MCRS1: variants seen among roughly 807,000 people sequenced by gnomAD.
MCRS1 encodes microspherule protein 1, also known as 58 kDa microspherule protein.
A neutral mutation model predicts 62.9 loss-of-function variants in MCRS1; 22 were observed. That is an observed-to-expected ratio of 0.35 (90% confidence interval 0.25 to 0.50). The LOEUF (loss-of-function observed/expected upper bound fraction) is 0.50. MCRS1 is among the 20% of genes least tolerant of loss of function. The pLI, the probability that MCRS1 is intolerant of heterozygous loss-of-function variation, is 0.98. For synonymous variants in MCRS1, 244 were observed against 233.5 expected (o/e 1.04, Z -0.41); for missense variants, 456 against 601.1 (o/e 0.76, Z 2.52).
chr12:49,558,863 T>A lies in MCRS1; in HGVS notation c.1282A>T (p.Ser428Cys), dbSNP rs1938595262. Residue 428 changes from serine (S) to cysteine (C), a missense_variant, in exon 14 of 15, where the codon AGC (serine) becomes TGC (cysteine). This residue lies in a region of MCRS1 where 393 missense variants were observed against 523.5 expected (regional missense o/e 0.75). Coordinates refer to ENST00000343810, the MANE Select transcript of MCRS1 (RefSeq NM_006337.5). ...PVLCGSKWRL[S>C]NNSVVEIASL... Reference sequence around the variant, plus strand: ...CTCACCTCCACCACAGAGTTGTTGCTGAGGCGCCATTTGGAGCCACAGAGC... The same window carrying A: ...CTCACCTCCACCACAGAGTTGTTGCAGAGGCGCCATTTGGAGCCACAGAGC... 1 of 1,613,032 alleles carries A rather than the reference T, an allele frequency of 6.2e-7. No homozygotes were observed. Among genetic ancestry groups the A allele is most frequent in the African/African-American group, 1.3e-5 (1 of 74,924 alleles).
chr12:49,564,731 CACT>C lies in MCRS1; in HGVS notation c.447+3_447+5del. On this transcript the variant is annotated splice_donor_5th_base_variant and intron_variant, in intron 5 of 14. Transcript: ENST00000343810. ...GGGCACACTGAGCCTATGGTGGGGG[CACT>C]ACCTGCAACACAGCATTTATGAGCA... 6.2e-7 allele frequency: 1 copy of C among 1,607,598 alleles called. No individual in the cohort carries two copies. The highest frequency in any genetic ancestry group is 8.5e-7 in the Non-Finnish European group (1 of 1,175,894).
chr12:49,564,890 G>C lies in MCRS1; in HGVS notation c.294C>G (p.Ser98=). ...GTGGCACAGGAGTGCTGGGGGCTTT[G>C]GATACCTGGGCAGAGGACAGGAACA... The part of the protein sequence containing the change: ...EPSSSEKKKV[S]KAPSTPVPPS... The change falls in exon 5 of 15, where the codon TCC becomes TCG. Residue 98 remains serine, a synonymous_variant. Coordinates refer to ENST00000343810, the MANE Select transcript of MCRS1 (RefSeq NM_006337.5). 3 of 1,594,628 alleles carry C rather than the reference G, an allele frequency of 1.9e-6. No homozygotes were observed. Among genetic ancestry groups the C allele is most frequent in the Non-Finnish European group, 2.6e-6 (3 of 1,169,670 alleles).
At position 49,558,998 on chromosome 12, in the gene MCRS1, G is replaced by A. The variant is rs191487493; in HGVS notation, c.1175-28C>T. The A allele has an allele frequency of 8.1e-3, 13,017 of 1,600,404 alleles. 81 individuals are homozygous for A. Among genetic ancestry groups the A allele is most frequent in the Non-Finnish European group, 9.3e-3 (11,006 of 1,179,510 alleles). On this transcript the variant is annotated intron_variant, in intron 13 of 14. Transcript: ENST00000343810. The stretch of plus-strand genomic sequence containing the variant: ...GTGGAAGCAGAAAGAAAGAAGGGAT[G>A]ATGGGATGGGGAGGGATTGATGGGA...
At chr12:49,562,680 A>G (rs1384495739) in intron 8 of MCRS1, among the ~76,000 whole-genome samples, 1 of 152,242 alleles carries the variant, frequency 6.6e-6, no homozygotes, top group East Asian at 1.9e-4. Context: ...GTTATCCATA[A>G]TAATTCATGT....
chr12:49,559,548 G>A lies in MCRS1; in HGVS notation c.1004-13C>T, dbSNP rs757693972. ...GGAGAGCTCATGCCTGGGAGAAGAG[G>A]GAGTTTGGAAGAGCCTACCCCTGAG... On this transcript the variant is annotated splice_polypyrimidine_tract_variant and intron_variant, in intron 11 of 14. Coordinates refer to ENST00000343810, the MANE Select transcript of MCRS1 (RefSeq NM_006337.5). This position sits in a 1 kb window ranked among gnomAD's most constrained non-coding sequence, Gnocchi z 5.2. 1 of 1,608,572 alleles carries A rather than the reference G, an allele frequency of 6.2e-7. No homozygotes were observed. Among genetic ancestry groups the A allele is most frequent in the Non-Finnish European group, 8.5e-7 (1 of 1,179,982 alleles).
At chr12:49,565,412 G>C (rs1939004510) in intron 4 of MCRS1, 117 bp downstream of exon 4, 1 of 1,511,688 alleles carries the variant, frequency 6.6e-7, no homozygotes, top group South Asian at 1.3e-5. Context: ...ATGAGGGCTG[G>C]GGCAGCTTGG....
At chr12:49,567,683 C>T (rs1365091341) in intron 1 of MCRS1, 1 of 152,232 alleles carries the variant, frequency 6.6e-6, no homozygotes, top group Non-Finnish European at 1.5e-5. Flanking sequence ...AGAGTGCACA[C>T]CCAAGGTAGG....
chr12:49,562,976 A>C (rs1467550651), intron 8 of MCRS1, 25 bp downstream of exon 8: 1 of 1,589,432 alleles, frequency 6.3e-7, no homozygotes, highest in Non-Finnish European at 8.6e-7. Context: ...ACACACCCCC[A>C]TTCTGCCAGC....
At position 49,559,683 on chromosome 12, in the gene MCRS1, C is replaced by T. The variant is rs1360989371; in HGVS notation, c.1003+46G>A. 11 of 1,608,508 alleles carry T rather than the reference C, an allele frequency of 6.8e-6. No individual in the cohort carries two copies. Among genetic ancestry groups the T allele is most frequent in the Middle Eastern group, 1.7e-4 (1 of 5,932 alleles). On this transcript the variant is annotated intron_variant, in intron 11 of 14. Transcript: ENST00000343810. The surrounding 1 kb of genome is among the most constrained non-coding windows in gnomAD (Gnocchi z 5.2). The stretch of plus-strand genomic sequence containing the variant: ...GCAGCAACAGGGGCACAGGCTGGGG[C>T]GAAGGATGCTGAAGAGTGAGCCTTC...
At position 49,566,806 on chromosome 12, in the gene MCRS1, T is replaced by A. The variant is rs1939089411; in HGVS notation, c.-75A>T. ...ACGGTCCCACAGGCTCATCCAAGGATTCTGACCAGGTGAGCTTAAAGGCTG... is the reference window on the plus strand; with the variant it reads ...ACGGTCCCACAGGCTCATCCAAGGAATCTGACCAGGTGAGCTTAAAGGCTG... On this transcript the variant is annotated 5_prime_UTR_variant, in exon 2 of 15. Transcript: ENST00000343810. The A allele has an allele frequency of 1.3e-6, 2 of 1,579,722 alleles. No individual in the cohort carries two copies. The highest frequency in any genetic ancestry group is 1.7e-6 in the Non-Finnish European group (2 of 1,156,486).
chr12:49,561,083 G>T (rs939388477), intron 8 of MCRS1, among the ~76,000 whole-genome samples: 1 of 152,084 alleles, frequency 6.6e-6, no homozygotes, highest in South Asian at 2.1e-4. Context: ...AAAGGAAGTC[G>T]GGAACAGTGG....
intron 5 of MCRS1, 42 bp from the exon 6 acceptor site, chr12:49,564,632 G>GA (rs1310791247): frequency 6.2e-7 from 1 of 1,608,318 alleles, no homozygotes; most frequent in Admixed American, 1.7e-5. Flanking sequence ...TTGGAGCTGG[G>GA]AACAACCCTT....
intron 4 of MCRS1, chr12:49,565,142 C>T (rs1938989495): frequency 2.0e-6 from 2 of 985,412 alleles, no homozygotes; most frequent in Non-Finnish European, 2.4e-6. Flanking sequence ...TATCCCCGAC[C>T]CCAGAGTGAA....
intron 8 of MCRS1, among the ~76,000 whole-genome samples, chr12:49,561,199 A>G (rs1938748045): frequency 6.6e-6 from 1 of 152,202 alleles, no homozygotes; most frequent in African/African-American, 2.4e-5. Context: ...CTCTTAACAA[A>G]AATTTAAAGG....
At chr12:49,558,799 C>T (rs764461707) in intron 14 of MCRS1, 44 bp downstream of exon 14, 121 of 1,613,292 alleles carry the variant, frequency 7.5e-5, no homozygotes, top group Non-Finnish European at 9.2e-5. Context: ...TGGCTCACCA[C>T]GCCTAGGTCT....
chr12:49,566,927 T>C (rs1228072808), intron 1 of MCRS1, 86 bp from the exon 2 acceptor site: 9 of 676,836 alleles, frequency 1.3e-5, no homozygotes, highest in Non-Finnish European at 2.3e-5. Flanking sequence ...TCCCCCAGGG[T>C]CCCATAAGCT....
rs1254750829 is a variant in MCRS1, at chr12:49,563,035, G to A, written c.771C>T (p.Leu257=). 6.3e-7 allele frequency: 1 copy of A among 1,591,052 alleles called. No homozygotes were observed. The highest frequency in any genetic ancestry group is 8.6e-7 in the Non-Finnish European group (1 of 1,166,786). ...TAKALQAHWQ[L]MKQYYLLEDQ... ...CCTCCAGCAGGTAATACTGCTTCAT[G>A]AGCTGCCAGTGGGCCTGCAGGGCCT... Residue 257 remains leucine (L), a synonymous_variant, in exon 8 of 15, where the codon CTC becomes CTT. Transcript: ENST00000343810.
At chr12:49,566,975 C>T in intron 1 of MCRS1, 134 bp from the exon 2 acceptor site, 1 of 570,540 alleles carries the variant, frequency 1.8e-6, no homozygotes, top group Non-Finnish European at 3.1e-6. Context: ...CATAAGGCCC[C>T]ACTCTGCCAA....
At chr12:49,563,332 G>T in intron 7 of MCRS1, 106 bp downstream of exon 7, 1 of 1,356,774 alleles carries the variant, frequency 7.4e-7, no homozygotes, top group Non-Finnish European at 1.0e-6. Context: ...GTGTGCATGT[G>T]CACATATCCA....
Sources: allele counts gnomAD v4.1 joint callset (sites outside exome capture counted in the v4.1 genomes callset), GRCh38; gene constraint gnomAD v4.1.1; regional missense constraint gnomAD v4.1.1; non-coding constraint Gnocchi (gnomAD v3.1); transcripts MANE v1.5; gene names NCBI Gene and HGNC (gene_info 2026-07-23, HGNC 2026-07-21).